Variants in CERS6 observed in about 807,000 individuals in gnomAD.
CERS6 encodes LAG1 homolog, ceramide synthase 6.
In CERS6, 26 loss-of-function variants were observed where a neutral mutation model predicts 56.8. That is an observed-to-expected ratio of 0.46 (90% CI 0.34 to 0.63). The LOEUF is 0.63. CERS6 is among the 30% of genes least tolerant of loss of function. The probability of loss-of-function intolerance (pLI) is 0.01; values close to 1 mark genes in which losing one functional copy is unlikely to be tolerated. For missense variants in CERS6, 415 were observed against 467.5 expected, an observed-to-expected ratio of 0.89 and a Z score of 1.04; for synonymous variants, 164 against 173.3, an observed-to-expected ratio of 0.95 and a Z score of 0.42.
chr2:168,722,555 C>A (rs1341573370), intron 8 of CERS6, among the ~76,000 whole-genome samples: 1 of 152,188 alleles, frequency 6.6e-6, no homozygotes, highest in East Asian at 1.9e-4. Context: ...TTATTATGAT[C>A]ATCTTCAGCA....
chr2:168,638,781 G>A (rs193091901), intron 4 of CERS6, among the ~76,000 whole-genome samples: 2 of 152,280 alleles, frequency 1.3e-5, no homozygotes, highest in East Asian at 3.9e-4. Context: ...TGTGTCTTGA[G>A]AGAATGGCAT....
Position 168,769,604 on chromosome 2 carries a change from A to G in CERS6, c.1097A>G (p.Asn366Ser), listed in dbSNP as rs201175362. 2.0e-5 allele frequency: 33 copies of G among 1,612,352 alleles called. No homozygotes were observed. Among genetic ancestry groups the G allele is most frequent in the Middle Eastern group, 1.6e-4 (1 of 6,080 alleles). Reference sequence around the variant, plus strand: ...AATCCCCACACTGCGACAACCACCAATGGGACCAGTGGTACCAACGGGTAT... The same window carrying G: ...AATCCCCACACTGCGACAACCACCAGTGGGACCAGTGGTACCAACGGGTAT... Reference protein sequence around the residue: ...GKNPHTATTTNGTSGTNGYLL... With the variant: ...GKNPHTATTTSGTSGTNGYLL... Residue 366 changes from asparagine to serine, a missense_variant, in exon 10 of 10, where the codon AAT (asparagine) becomes AGT (serine). By Grantham distance (46) the Asn-to-Ser change is conservative. Transcript: ENST00000305747.
intron 1 of CERS6, among the ~76,000 whole-genome samples, chr2:168,517,676 G>GA (rs1210184930): frequency 2.0e-5 from 3 of 151,712 alleles, no homozygotes; most frequent in Non-Finnish European, 2.9e-5. Context: ...AACTTCCATG[G>GA]AAAAAAAGAG....
intron 6 of CERS6, among the ~76,000 whole-genome samples, chr2:168,697,887 C>T (rs1007848643): frequency 9.2e-5 from 14 of 152,168 alleles, no homozygotes; most frequent in African/African-American, 3.4e-4. Context: ...GTTACCAAGT[C>T]CCTGCACTAG....
At chr2:168,589,207 T>C (rs1683615984) in intron 3 of CERS6, among the ~76,000 whole-genome samples, 2 of 152,380 alleles carry the variant, frequency 1.3e-5, no homozygotes, top group South Asian at 4.1e-4. Flanking sequence ...CCGTACCTTT[T>C]ACTTTGTTTT....
chr2:168,589,112 G>T (rs1683613845), intron 3 of CERS6, among the ~76,000 whole-genome samples: 1 of 152,146 alleles, frequency 6.6e-6, no homozygotes, highest in African/African-American at 2.4e-5. Flanking sequence ...ACTTTTTCAA[G>T]AACCACCATA....
At chr2:168,580,283 C>A (rs1054207412) in intron 3 of CERS6, among the ~76,000 whole-genome samples, 2 of 151,860 alleles carry the variant, frequency 1.3e-5, no homozygotes, top group African/African-American at 4.8e-5. Flanking sequence ...CTATTTTTGC[C>A]TATTTTATGT....
intron 2 of CERS6, among the ~76,000 whole-genome samples, chr2:168,559,941 C>T (rs1335462540): frequency 6.6e-6 from 1 of 151,624 alleles, no homozygotes; most frequent in Non-Finnish European, 1.5e-5. Flanking sequence ...AGATCACCCT[C>T]ATGTGATTGT....
intron 4 of CERS6, among the ~76,000 whole-genome samples, chr2:168,669,895 T>G (rs1445794968): frequency 6.6e-6 from 1 of 152,224 alleles, no homozygotes; most frequent in Non-Finnish European, 1.5e-5. Flanking sequence ...CCAGAATGAT[T>G]AGACACACTG....
intron 5 of CERS6, 119 bp from the exon 6 acceptor site, chr2:168,694,840 A>T: frequency 1.4e-6 from 1 of 723,230 alleles, no homozygotes. Context: ...TAGGACAGGA[A>T]CTGCCTTTGT....
At chr2:168,535,328 C>T (rs1248601672) in intron 1 of CERS6, among the ~76,000 whole-genome samples, 4 of 152,178 alleles carry the variant, frequency 2.6e-5, no homozygotes, top group African/African-American at 4.8e-5. Context: ...CGCTAGGCCC[C>T]GGTGGAATGC....
At chr2:168,526,233 G>A (rs1346447194) in intron 1 of CERS6, among the ~76,000 whole-genome samples, 2 of 152,184 alleles carry the variant, frequency 1.3e-5, no homozygotes, top group Non-Finnish European at 2.9e-5. Flanking sequence ...CTCCTTATGA[G>A]TAAGCTGTGT....
In CERS6 at chr2:168,691,039, CT is replaced by C. The variant is rs1686487253; in HGVS notation, c.472del (p.Trp158GlyfsTer35). Reference protein sequence around the residue: ...YGVRFLKKTPWLWNTRHCWYN... With the variant: ...YGVRFLKKTPXLWNTRHCWYN... ...TTTTTTGTCATTTTTTTCAGACCCC[CT>C]GGTTGTGGAATACGAGGCATTGCTG... is the stretch of plus-strand genomic sequence containing the variant. On this transcript the variant is annotated frameshift_variant, in exon 5 of 10. Transcript: ENST00000305747. LOFTEE classifies it high-confidence loss of function. 6.2e-7 allele frequency: 1 copy of C among 1,613,100 alleles called. No homozygotes were observed. Among genetic ancestry groups the C allele is most frequent in the Non-Finnish European group, 8.5e-7 (1 of 1,179,256 alleles).
intron 8 of CERS6, among the ~76,000 whole-genome samples, chr2:168,745,250 T>TC (rs1684063053): frequency 6.6e-6 from 1 of 151,738 alleles, no homozygotes; most frequent in Non-Finnish European, 1.5e-5. Flanking sequence ...TTTAAAAATT[T>TC]TTTTTTTTTT....
intron 1 of CERS6, among the ~76,000 whole-genome samples, chr2:168,522,888 G>A (rs1158566715): frequency 1.3e-5 from 2 of 152,120 alleles, no homozygotes; most frequent in African/African-American, 4.8e-5. Flanking sequence ...TGGTGGCAAT[G>A]AGATAACAAG....
intron 2 of CERS6, 87 bp from the exon 3 acceptor site, chr2:168,561,105 A>T: frequency 7.0e-7 from 1 of 1,428,938 alleles, no homozygotes; most frequent in South Asian, 1.3e-5. Flanking sequence ...GGGGAAAAAA[A>T]CCTCTCAGAT....
chr2:168,487,716 TTTTTTAATTTTAA>T (rs1478145398), intron 1 of CERS6, among the ~76,000 whole-genome samples: 1 of 152,172 alleles, frequency 6.6e-6, no homozygotes, highest in African/African-American at 2.4e-5. Flanking sequence ...TTACTTTTGA[TTTTTTAATTTTAA>T]TTTTTATTAA....
At chr2:168,459,833 C>T (rs1377748775) in intron 1 of CERS6, among the ~76,000 whole-genome samples, 1 of 152,208 alleles carries the variant, frequency 6.6e-6, no homozygotes. Flanking sequence ...CTTCTTCCAA[C>T]TTCACTTTTT....
intron 1 of CERS6, among the ~76,000 whole-genome samples, chr2:168,470,212 CAA>C (rs752453936): frequency 1.4e-4 from 15 of 105,648 alleles, no homozygotes; most frequent in Admixed American, 2.1e-4. Context: ...CCAACTCTAC[CAA>C]AAAAAAAAAA....
Sources: gnomAD v4.1 joint callset for allele counts (sites outside exome capture counted in the v4.1 genomes callset) on GRCh38, gnomAD v4.1.1 for gene constraint, MANE v1.5 for transcripts, NCBI Gene and HGNC (gene_info 2026-07-23, HGNC 2026-07-21) for gene names.